OR51B5: variants seen among roughly 807,000 people sequenced by gnomAD.
OR51B5 encodes the protein olfactory receptor 51B5.
For synonymous variants in OR51B5, 186 were observed against 144.8 expected (o/e 1.28, Z -2.04); for missense variants, 456 against 374.6 (o/e 1.22, Z -1.79).
intron 1 of OR51B5, among the ~76,000 whole-genome samples, chr11:5,431,972 C>G (rs149970443): frequency 1.3e-5 from 2 of 152,114 alleles, no homozygotes; most frequent in Non-Finnish European, 2.9e-5. Flanking sequence ...ATCGTCAAGT[C>G]GAAGTACTTA....
downstream of OR51B5, chr11:5,342,578 A>G (rs756975969): frequency 1.9e-6 from 3 of 1,562,972 alleles, no homozygotes; most frequent in East Asian, 6.7e-5. Flanking sequence ...GACTGTGATG[A>G]TTGGAGATCA....
intron 1 of OR51B5, chr11:5,352,267 G>C (rs7106330): frequency 0.15 from 248,679 of 1,613,842 alleles, 20,017 homozygotes; most frequent in Admixed American, 0.17. Context: ...TGTCACTGTA[G>C]TTTGTCTGAC....
chr11:5,471,446 G>A (rs1173177792), intron 1 of OR51B5, among the ~76,000 whole-genome samples: 2 of 152,022 alleles, frequency 1.3e-5, no homozygotes, highest in African/African-American at 4.8e-5. Context: ...GACCAGCCTG[G>A]ACAACATGGT....
intron 1 of OR51B5, among the ~76,000 whole-genome samples, chr11:5,419,920 G>A (rs985910934): frequency 1.3e-5 from 2 of 151,442 alleles, no homozygotes; most frequent in Admixed American, 6.6e-5. Flanking sequence ...ACAATAGAAT[G>A]TAAGCACATA....
At chr11:5,421,779 T>G (rs1235024008) in intron 1 of OR51B5, among the ~76,000 whole-genome samples, 4 of 152,174 alleles carry the variant, frequency 2.6e-5, no homozygotes, top group Admixed American at 2.6e-4. Flanking sequence ...AAAAAGACAC[T>G]GGATTTATAT....
chr11:5,505,337 C>T, intron 1 of OR51B5: 1 of 1,303,874 alleles, frequency 7.7e-7, no homozygotes, highest in African/African-American at 1.5e-5. Context: ...CAGAGGCAGA[C>T]CCAGAGAACT....
intron 1 of OR51B5, among the ~76,000 whole-genome samples, chr11:5,371,306 CAAAAA>C (rs1340906648): frequency 6.6e-6 from 1 of 151,786 alleles, no homozygotes; most frequent in East Asian, 1.9e-4. Context: ...CACAGAAGTT[CAAAAA>C]AATTGAACAT....
At chr11:5,407,200 T>A (rs940937716) in intron 1 of OR51B5, among the ~76,000 whole-genome samples, 1 of 152,166 alleles carries the variant, frequency 6.6e-6, no homozygotes, top group Admixed American at 6.5e-5. Flanking sequence ...GTGATAATTT[T>A]TGAGCTATAT....
chr11:5,370,236 A>G (rs927219070), intron 1 of OR51B5, among the ~76,000 whole-genome samples: 1 of 152,218 alleles, frequency 6.6e-6, no homozygotes, highest in Non-Finnish European at 1.5e-5. Context: ...AGTAAATCCT[A>G]AAGTTGAAGG....
intron 1 of OR51B5, among the ~76,000 whole-genome samples, chr11:5,484,667 G>C (rs1180884215): frequency 6.6e-6 from 1 of 152,178 alleles, no homozygotes; most frequent in Non-Finnish European, 1.5e-5. Flanking sequence ...CAGAAGTAGA[G>C]GAGGACTTGT....
At chr11:5,423,086 G>A in intron 1 of OR51B5, 2 of 1,613,826 alleles carry the variant, frequency 1.2e-6, no homozygotes, top group South Asian at 1.1e-5. Context: ...CATTTACAGT[G>A]TAAAGAACAA....
At chr11:5,486,752 C>G (rs1376177500) in intron 1 of OR51B5, among the ~76,000 whole-genome samples, 1 of 152,128 alleles carries the variant, frequency 6.6e-6, no homozygotes, top group African/African-American at 2.4e-5. Context: ...CTGGCTGATG[C>G]CCATGACTTT....
chr11:5,479,486 G>C (rs1479986431), intron 1 of OR51B5, among the ~76,000 whole-genome samples: 1 of 150,496 alleles, frequency 6.6e-6, no homozygotes, highest in African/African-American at 2.5e-5. Flanking sequence ...ACATCATAAT[G>C]ACAGGATCAA....
chr11:5,399,741 T>C (rs896372675), intron 1 of OR51B5, among the ~76,000 whole-genome samples: 1 of 147,460 alleles, frequency 6.8e-6, no homozygotes, highest in Admixed American at 6.9e-5. Flanking sequence ...GTAGAGACTC[T>C]GGAGATGGAA....
At chr11:5,496,116 G>A (rs192628269) in intron 1 of OR51B5, among the ~76,000 whole-genome samples, 1 of 151,314 alleles carries the variant, frequency 6.6e-6, no homozygotes, top group Non-Finnish European at 1.5e-5. Flanking sequence ...AAATGTACCA[G>A]TAAAATCCCC....
chr11:5,456,382 A>G (rs1447714804), intron 1 of OR51B5: 1 of 152,186 alleles, frequency 6.6e-6, no homozygotes, highest in Non-Finnish European at 1.5e-5. Flanking sequence ...GACAGATGCC[A>G]TAAGAAAAAT....
At chr11:5,492,399 T>C (rs1459634254) in intron 1 of OR51B5, among the ~76,000 whole-genome samples, 2 of 152,214 alleles carry the variant, frequency 1.3e-5, no homozygotes, top group Non-Finnish European at 2.9e-5. Context: ...ACAATGGTTC[T>C]CAGCAGCAGA....
Position 5,414,190 on chromosome 11 carries a change from T to C in OR51B5, n.85-67280A>G, listed in dbSNP as rs908474767. On this transcript the variant is annotated intron_variant and non_coding_transcript_variant, in intron 1 of 4. Transcript: ENST00000415970. ...TCATATCCAGCCAAACTAAGCTTCA[T>C]AAGTGAAGGAGAAATAAAATACTTT... is the stretch of plus-strand genomic sequence containing the variant. 1.6e-3 allele frequency among the ~76,000 whole-genome samples: 250 copies of C among 151,780 alleles called. 1 individual carries two copies. Among genetic ancestry groups the C allele is most frequent in the African/African-American group, 5.8e-3 (240 of 41,404 alleles).
chr11:5,453,380 A>G, intron 1 of OR51B5: 1 of 716,996 alleles, frequency 1.4e-6, no homozygotes, highest in Non-Finnish European at 2.2e-6. Context: ...TGTCAACATC[A>G]TCGCTTTGTC....
Sources: allele counts gnomAD v4.1 joint callset (sites outside exome capture counted in the v4.1 genomes callset), GRCh38; gene constraint gnomAD v4.1.1; transcripts MANE v1.5; gene names NCBI Gene and HGNC (gene_info 2026-07-23, HGNC 2026-07-21).